Variants in ERCC8 observed in about 807,000 individuals in gnomAD.
ERCC8 encodes DNA excision repair protein ERCC-8.
ERCC8 carries 52 observed loss-of-function variants against 54.9 expected under a neutral mutation model. That is an observed-to-expected ratio of 0.95 (90% confidence interval 0.76 to 1.19). ERCC8 has a LOEUF of 1.19. Ranked by LOEUF, ERCC8 falls within the 50% of genes most tolerant of loss-of-function variation. The probability of loss-of-function intolerance (pLI) is 0.00; values close to 1 mark genes in which losing one functional copy is unlikely to be tolerated. For missense variants in ERCC8, 514 were observed against 466.1 expected, an observed-to-expected ratio of 1.10 and a Z score of -0.95; for synonymous variants, 146 against 157.2, an observed-to-expected ratio of 0.93 and a Z score of 0.53.
At chr5:60,900,877 T>A (rs2112489486) in intron 7 of ERCC8, 1 of 152,120 alleles carries the variant, frequency 6.6e-6, no homozygotes, top group African/African-American at 2.4e-5. Context: ...AAATGTAAAA[T>A]CCACCCAAGC....
rs749907718 is a variant in ERCC8 at position 60,928,927 on chromosome 5, T to C, written c.110A>G (p.Asp37Gly). The C allele has an allele frequency of 6.2e-7, 1 of 1,607,774 alleles. No individual in the cohort carries two copies. The highest frequency in any genetic ancestry group is 1.3e-5 in the African/African-American group (1 of 74,914). ...VLGLELNKDR[D>G]VERIHGGGIN... ...TCCACCGCCGTGGATTCTTTCAACA[T>C]CTCTGTCTTTATTTAATTCCAGTCC... Residue 37 changes from aspartate (D) to glycine (G), a missense_variant, in exon 2 of 12, where the codon GAT (aspartate) becomes GGT (glycine). By Grantham distance (94) the Asp-to-Gly change is moderately conservative (BLOSUM62 -1). Coordinates refer to ENST00000676185, the MANE Select transcript of ERCC8 (RefSeq NM_000082.4).
In ERCC8 at chr5:60,874,632, T is replaced by C. The variant is rs1747942994; in HGVS notation, c.1174A>G (p.Ser392Gly). 1 of 1,613,476 alleles carries C rather than the reference T, an allele frequency of 6.2e-7. No individual in the cohort carries two copies. The highest frequency in any genetic ancestry group is 1.7e-5 in the Admixed American group (1 of 59,974). ...NPAFEDAWSS[S>G]DEEG ...GATGATATTCATCCTTCTTCATCAC[T>C]GCTGCTCCAGGCATCTTCAAAGGCC... The change falls in exon 12 of 12, where the codon AGT (serine) becomes GGT (glycine). Residue 392 changes from serine (S) to glycine (G), a missense_variant. Transcript: ENST00000676185.
At chr5:60,938,386 G>T (rs575350927) in intron 1 of ERCC8, among the ~76,000 whole-genome samples, 1 of 122,346 alleles carries the variant, frequency 8.2e-6, no homozygotes, top group Non-Finnish European at 1.6e-5. Context: ...ACGGAGTCTC[G>T]CTCTGTCGCC....
intron 4 of ERCC8, among the ~76,000 whole-genome samples, chr5:60,906,924 TAA>T (rs1749092791): frequency 6.6e-6 from 1 of 152,276 alleles, no homozygotes; most frequent in East Asian, 1.9e-4. Flanking sequence ...CTCACTGATA[TAA>T]GTTTTGCAAA....
chr5:60,913,711 C>T (rs923315206), intron 4 of ERCC8, among the ~76,000 whole-genome samples: 1 of 152,110 alleles, frequency 6.6e-6, no homozygotes, highest in African/African-American at 2.4e-5. Flanking sequence ...ATCTTTCCTG[C>T]TTTCTCTTCT....
intron 2 of ERCC8, among the ~76,000 whole-genome samples, chr5:60,923,833 T>G (rs957834563): frequency 1.3e-5 from 2 of 152,138 alleles, no homozygotes; most frequent in Non-Finnish European, 2.9e-5. Context: ...CCATCAAAAA[T>G]TCTTCACAGA....
intron 3 of ERCC8, among the ~76,000 whole-genome samples, chr5:60,919,991 G>A (rs1360723724): frequency 6.6e-6 from 1 of 151,906 alleles, no homozygotes; most frequent in Non-Finnish European, 1.5e-5. Flanking sequence ...AATGCCCTTT[G>A]TTTTACTGAA....
intron 11 of ERCC8, among the ~76,000 whole-genome samples, chr5:60,885,478 T>C (rs1748367952): frequency 6.6e-6 from 1 of 152,168 alleles, no homozygotes; most frequent in African/African-American, 2.4e-5. Context: ...GTTTAATGTA[T>C]ACAGCAATTC....
chr5:60,914,941 C>T (rs1288450433), intron 4 of ERCC8, among the ~76,000 whole-genome samples: 1 of 151,818 alleles, frequency 6.6e-6, no homozygotes, highest in Admixed American at 6.6e-5. Context: ...TTTTTGTCCA[C>T]TCATGATATA....
At chr5:60,936,084 A>ATTTTT (rs1447044846) in intron 1 of ERCC8, among the ~76,000 whole-genome samples, 1 of 152,212 alleles carries the variant, frequency 6.6e-6, no homozygotes, top group Admixed American at 6.5e-5. Context: ...CTTTTGGAAC[A>ATTTTT]GTGTCAATAG....
At chr5:60,902,561 A>G (rs1748933921) in intron 6 of ERCC8, 53 bp from the exon 7 acceptor site, 1 of 1,464,588 alleles carries the variant, frequency 6.8e-7, no homozygotes, top group South Asian at 1.1e-5. Context: ...AAATCAGAAG[A>G]TAAAGTGCCA....
At chr5:60,880,886 A>C (rs1450880930) in intron 11 of ERCC8, among the ~76,000 whole-genome samples, 1 of 151,952 alleles carries the variant, frequency 6.6e-6, no homozygotes. Context: ...TTCTCCATCC[A>C]GTTTGTTCTG....
At chr5:60,882,737 G>GTA (rs1561495323) in intron 11 of ERCC8, among the ~76,000 whole-genome samples, 3 of 152,000 alleles carry the variant, frequency 2.0e-5, no homozygotes, top group Admixed American at 6.6e-5. Flanking sequence ...TCTAGCCACG[G>GTA]TACACTTATT....
In ERCC8 at chr5:60,898,447, C is replaced by G. The variant is rs1312594425; in HGVS notation, c.719-47G>C. On this transcript the variant is annotated intron_variant, in intron 8 of 11. Transcript: ENST00000676185. ...AGTTTATCTGTTCTTGTATTCAGGA[C>G]ATATTTAATGTTTGATGATATAATT... 2.2e-5 allele frequency: 35 copies of G among 1,606,386 alleles called. 1 individual carries two copies. The Admixed American group carries it at 5.7e-4, about 26-fold the overall frequency.
rs1561519141 is a variant in ERCC8, at chr5:60,938,082, TATA to T, written c.77+6847_77+6849del. The stretch of plus-strand genomic sequence containing the variant: ...ATATATATATATATATATATATATA[TATA>T]TTTTATTTTTTTTTTTTTTAGGTTA... On this transcript the variant is annotated intron_variant, in intron 1 of 11. Transcript: ENST00000676185. Among the ~76,000 whole-genome samples, 92 of 23,214 alleles carry T rather than the reference TATA, an allele frequency of 4.0e-3. 2 individuals are homozygous for T. Among genetic ancestry groups the T allele is most frequent in the African/African-American group, 7.8e-3 (69 of 8,800 alleles). 15.2% of individuals were successfully genotyped at this position (23,214 alleles called of 152,430 possible). A position where few individuals can be genotyped will look rare whatever the true frequency, so the allele number is the denominator to read the frequency against.
At chr5:60,889,074 G>T (rs1748475879) in intron 10 of ERCC8, among the ~76,000 whole-genome samples, 1 of 152,106 alleles carries the variant, frequency 6.6e-6, no homozygotes, top group South Asian at 2.1e-4. Flanking sequence ...CTTCACATTT[G>T]GCTTGTCTTA....
chr5:60,936,421 A>G (rs1750067977), intron 1 of ERCC8, among the ~76,000 whole-genome samples: 1 of 152,168 alleles, frequency 6.6e-6, no homozygotes, highest in South Asian at 2.1e-4. Context: ...TTGTTGGTTA[A>G]TCTAGCTAAT....
intron 7 of ERCC8, 47 bp downstream of exon 7, chr5:60,902,395 G>A (rs755736782): frequency 1.5e-6 from 2 of 1,353,372 alleles, no homozygotes; most frequent in South Asian, 2.4e-5. Context: ...TTTTCAAAAT[G>A]CTTATTATTA....
intron 8 of ERCC8, among the ~76,000 whole-genome samples, chr5:60,899,110 T>C (rs1748801762): frequency 6.6e-6 from 1 of 151,456 alleles, no homozygotes; most frequent in Non-Finnish European, 1.5e-5. Flanking sequence ...ATAAAACAAT[T>C]ATAGGTTTTA....
Sources: gnomAD v4.1 joint callset for allele counts (sites outside exome capture counted in the v4.1 genomes callset) on GRCh38, gnomAD v4.1.1 for gene constraint, MANE v1.5 for transcripts, NCBI Gene and HGNC (gene_info 2026-07-23, HGNC 2026-07-21) for gene names.